PCDHAC1: variants seen among roughly 807,000 people sequenced by gnomAD.
PCDHAC1 encodes protocadherin alpha-C1.
PCDHAC1 carries 42 observed loss-of-function variants against 60.0 expected under a neutral mutation model. The ratio of observed to expected loss-of-function variants is 0.70; its 90% CI spans 0.55 to 0.90. The LOEUF (loss-of-function observed/expected upper bound fraction) is 0.90, where lower values mean the gene tolerates loss of function less well. PCDHAC1 is among the 40% of genes least tolerant of loss of function. The pLI is 0.00. For synonymous variants in PCDHAC1, 468 were observed against 499.3 expected (o/e 0.94, Z 0.84); for missense variants, 1,160 against 1,222.3 (o/e 0.95, Z 0.76).
At chr5:141,007,235 T>G (rs2098311065) in intron 3 of PCDHAC1, among the ~76,000 whole-genome samples, 1 of 151,964 alleles carries the variant, frequency 6.6e-6, no homozygotes, top group Non-Finnish European at 1.5e-5. Context: ...GAAGGATTGT[T>G]GAGCTGAAGG....
intron 3 of PCDHAC1, among the ~76,000 whole-genome samples, chr5:140,983,987 C>T (rs1372272659): frequency 6.6e-6 from 1 of 152,126 alleles, no homozygotes; most frequent in East Asian, 1.9e-4. Context: ...CGAGTTGAAG[C>T]AATTCATTAG....
intron 3 of PCDHAC1, among the ~76,000 whole-genome samples, chr5:140,997,668 T>TTGTGTGTGTGTGTGTGTGTG (rs35184029): frequency 6.7e-6 from 1 of 148,244 alleles, no homozygotes; most frequent in African/African-American, 2.5e-5. Context: ...ATTATACAGC[T>TTGTGTGTGTGTGTGTGTGTG]TGTGTGTGTG....
At chr5:141,002,085 A>G (rs959603404) in intron 3 of PCDHAC1, among the ~76,000 whole-genome samples, 1 of 152,244 alleles carries the variant, frequency 6.6e-6, no homozygotes, top group African/African-American at 2.4e-5. Context: ...AAGAACGAGC[A>G]GTCCAGGGGC....
At chr5:140,952,705 T>C (rs2094784320) in intron 1 of PCDHAC1, among the ~76,000 whole-genome samples, 1 of 152,160 alleles carries the variant, frequency 6.6e-6, no homozygotes, top group Non-Finnish European at 1.5e-5. Context: ...TATCCCACTC[T>C]CAGTATCAAT....
intron 3 of PCDHAC1, among the ~76,000 whole-genome samples, chr5:140,987,524 GT>G (rs1341881093): frequency 6.6e-6 from 1 of 152,144 alleles, no homozygotes; most frequent in Non-Finnish European, 1.5e-5. Flanking sequence ...GTAATTGTAT[GT>G]TCCTGGGACC....
At chr5:140,978,520 C>T (rs2096807249) in intron 1 of PCDHAC1, among the ~76,000 whole-genome samples, 1 of 152,214 alleles carries the variant, frequency 6.6e-6, no homozygotes, top group Non-Finnish European at 1.5e-5. Flanking sequence ...GCAGTCCAGC[C>T]AGGCCAGCAG....
intron 1 of PCDHAC1, chr5:140,968,079 C>T (rs782150880): frequency 5.0e-6 from 8 of 1,614,142 alleles, no homozygotes; most frequent in Admixed American, 3.3e-5. Flanking sequence ...TACAACATCA[C>T]GGTGACAGCC....
At chr5:140,946,925 C>T (rs1431365562) in intron 1 of PCDHAC1, among the ~76,000 whole-genome samples, 1 of 151,242 alleles carries the variant, frequency 6.6e-6, no homozygotes, top group South Asian at 2.1e-4. Context: ...TTTTATTGAA[C>T]AGTAGAGTGT....
intron 3 of PCDHAC1, among the ~76,000 whole-genome samples, chr5:141,008,972 C>T (rs1554261973): frequency 6.6e-6 from 1 of 152,148 alleles, no homozygotes; most frequent in African/African-American, 2.4e-5. Context: ...CATTTATAGC[C>T]AAAGTTTAAT....
At chr5:140,942,160 A>G (rs782205493) in intron 1 of PCDHAC1, among the ~76,000 whole-genome samples, 11 of 152,218 alleles carry the variant, frequency 7.2e-5, no homozygotes, top group Non-Finnish European at 1.5e-4. Context: ...AACAGCTTCC[A>G]TATTTCTCTA....
At chr5:140,971,689 T>C (rs149234216) in intron 1 of PCDHAC1, among the ~76,000 whole-genome samples, 1 of 152,306 alleles carries the variant, frequency 6.6e-6, no homozygotes, top group East Asian at 1.9e-4. Context: ...GAATTTGTAC[T>C]CACTAACCAC....
chr5:140,973,574 C>T (rs1485415780), intron 1 of PCDHAC1, among the ~76,000 whole-genome samples: 1 of 152,218 alleles, frequency 6.6e-6, no homozygotes, highest in African/African-American at 2.4e-5. Flanking sequence ...AATTTTTCTA[C>T]AGACTGCTGA....
intron 2 of PCDHAC1, among the ~76,000 whole-genome samples, chr5:140,981,687 A>ATCATTCAT (rs200213847): frequency 0.01 from 1,586 of 152,088 alleles, 32 homozygotes; most frequent in African/African-American, 0.036. Flanking sequence ...CCTCCCTTCC[A>ATCATTCAT]TCATTCATTC....
At chr5:140,966,267 G>T (rs141363782) in intron 1 of PCDHAC1, 112 of 351,092 alleles carry the variant, frequency 3.2e-4, no homozygotes, top group Non-Finnish European at 4.7e-4. Context: ...GAGACTGGAT[G>T]AACTGGACAG....
chr5:140,967,386 T>TA, intron 1 of PCDHAC1: 1 of 1,609,114 alleles, frequency 6.2e-7, no homozygotes, highest in Non-Finnish European at 8.5e-7. Context: ...AGTAAAGTGC[T>TA]TGAGCTGGTG....
chr5:140,959,141 C>G (rs936183508), intron 1 of PCDHAC1, among the ~76,000 whole-genome samples: 1 of 151,924 alleles, frequency 6.6e-6, no homozygotes, highest in Admixed American at 6.6e-5. Context: ...CTTTGGGAGG[C>G]CAAAGTGGGC....
At chr5:140,938,876 A>AAC (rs142461507) in intron 1 of PCDHAC1, among the ~76,000 whole-genome samples, 11 of 151,144 alleles carry the variant, frequency 7.3e-5, no homozygotes, top group South Asian at 2.1e-4. Context: ...GTTAAGAAGC[A>AAC]ACACACACAC....
chr5:140,943,719 T>C (rs1198620937), intron 1 of PCDHAC1, among the ~76,000 whole-genome samples: 2 of 152,126 alleles, frequency 1.3e-5, no homozygotes, highest in Non-Finnish European at 2.9e-5. Context: ...TTTAAAGGTC[T>C]GAGAGAATGA....
At chr5:140,953,540 T>C (rs1217393469) in intron 1 of PCDHAC1, among the ~76,000 whole-genome samples, 1 of 152,174 alleles carries the variant, frequency 6.6e-6, no homozygotes, top group Non-Finnish European at 1.5e-5. Flanking sequence ...CACTTCATGC[T>C]GATTCTTTTC....
Sources: allele counts gnomAD v4.1 joint callset (sites outside exome capture counted in the v4.1 genomes callset), GRCh38; gene constraint gnomAD v4.1.1; transcripts MANE v1.5; gene names NCBI Gene and HGNC (gene_info 2026-07-23, HGNC 2026-07-21).